PSD3: variants seen among roughly 807,000 people sequenced by gnomAD.
The protein encoded by PSD3 is pleckstrin and Sec7 domain containing 3, also known as PH and SEC7 domain-containing protein 3.
In PSD3, 49 loss-of-function variants were observed where a neutral mutation model predicts 105.5. That is an observed-to-expected ratio of 0.46 (90% confidence interval 0.37 to 0.59). The LOEUF (loss-of-function observed/expected upper bound fraction) is 0.59, where lower values mean the gene tolerates loss of function less well. Among genes scored for constraint, PSD3 ranks in the 20% least tolerant of loss-of-function variants. PSD3 has a pLI of 0.00. For missense variants in PSD3, 1,561 were observed against 1,263.8 expected (o/e 1.24, Z -3.57); for synonymous variants, 557 against 457.8 (o/e 1.22, Z -2.77).
At chr8:18,573,222 C>A (rs957034632) in intron 13 of PSD3, among the ~76,000 whole-genome samples, 1 of 152,176 alleles carries the variant, frequency 6.6e-6, no homozygotes, top group Non-Finnish European at 1.5e-5. Context: ...GTAATCCCAG[C>A]ACTTTGGGAA....
At chr8:18,628,983 T>TA (rs1806696864) in intron 11 of PSD3, among the ~76,000 whole-genome samples, 1 of 152,000 alleles carries the variant, frequency 6.6e-6, no homozygotes, top group South Asian at 2.1e-4. Context: ...ATAGGCACTC[T>TA]AATTAAAAGA....
rs148445253 is a variant in PSD3, at chr8:18,842,962, A to G, written c.1634+24712T>C. Among the ~76,000 whole-genome samples, 318 of 152,304 alleles carry G rather than the reference A, an allele frequency of 2.1e-3. 2 individuals carry two copies. Among genetic ancestry groups the G allele is most frequent in the African/African-American group, 7.1e-3 (297 of 41,562 alleles). On this transcript the variant is annotated intron_variant, in intron 4 of 15. Transcript: ENST00000327040. ...CTTGAGCAAAAACCCATACATTTTC[A>G]TATCATTCTTTTATAAAGATAAATT...
At chr8:18,690,553 C>G (rs1455416435) in intron 9 of PSD3, among the ~76,000 whole-genome samples, 1 of 152,162 alleles carries the variant, frequency 6.6e-6, no homozygotes, top group Non-Finnish European at 1.5e-5. Context: ...CACCCCAGGA[C>G]AGGATTCTTA....
intron 11 of PSD3, among the ~76,000 whole-genome samples, chr8:18,622,199 C>T (rs1195177273): frequency 6.6e-6 from 1 of 152,166 alleles, no homozygotes; most frequent in African/African-American, 2.4e-5. Flanking sequence ...CAGGACTGTA[C>T]AATGACTAAA....
At chr8:19,032,433 A>C (rs1827801845) in intron 1 of PSD3, among the ~76,000 whole-genome samples, 1 of 152,136 alleles carries the variant, frequency 6.6e-6, no homozygotes, top group East Asian at 1.9e-4. Flanking sequence ...GCTTGTGCTC[A>C]GTAGTTCAAG....
At chr8:18,940,290 T>C (rs866453027) in intron 1 of PSD3, 2 of 152,318 alleles carry the variant, frequency 1.3e-5, no homozygotes, top group Middle Eastern at 3.4e-3. Context: ...TCACCTGGAA[T>C]CTTCTTAAAA....
intron 1 of PSD3, among the ~76,000 whole-genome samples, chr8:19,054,633 G>C (rs571029743): frequency 6.6e-6 from 1 of 152,154 alleles, no homozygotes; most frequent in African/African-American, 2.4e-5. Context: ...ATATCTGCCA[G>C]ATTTATTCCA....
intron 11 of PSD3, among the ~76,000 whole-genome samples, chr8:18,610,200 A>T (rs1264182387): frequency 6.6e-6 from 1 of 152,218 alleles, no homozygotes; most frequent in Non-Finnish European, 1.5e-5. Flanking sequence ...AAGCAAACTA[A>T]ATATGGCCTT....
At chr8:18,767,997 G>A (rs553575170) in intron 8 of PSD3, among the ~76,000 whole-genome samples, 4 of 151,324 alleles carry the variant, frequency 2.6e-5, no homozygotes, top group South Asian at 4.2e-4. Context: ...GAGGCCGGGC[G>A]CGGTGGCTCA....
At chr8:18,677,406 C>T (rs1800118152) in intron 9 of PSD3, among the ~76,000 whole-genome samples, 1 of 152,022 alleles carries the variant, frequency 6.6e-6, no homozygotes, top group African/African-American at 2.4e-5. Flanking sequence ...GGCAAAAACC[C>T]ATCTCTATTA....
rs983267210 is a variant in PSD3, at chr8:18,906,988, T to G, written c.130+29046A>C. ...AGAAAATATAAAAACTAAAACATTA[T>G]TAAAAGCTTATAGAATAAGAAAATA... On this transcript the variant is annotated intron_variant, in intron 2 of 15. Transcript: ENST00000327040. 7.9e-5 allele frequency among the ~76,000 whole-genome samples: 12 copies of G among 152,260 alleles called. No homozygotes were observed. The South Asian group carries it at 1.4e-3, about 18-fold the overall frequency.
At chr8:18,680,435 G>A (rs1419828850) in intron 9 of PSD3, among the ~76,000 whole-genome samples, 1 of 152,152 alleles carries the variant, frequency 6.6e-6, no homozygotes, top group Admixed American at 6.5e-5. Flanking sequence ...ACAGCAGGAA[G>A]GTCTGCACTG....
chr8:18,659,397 T>C (rs1809153497), intron 9 of PSD3, among the ~76,000 whole-genome samples: 1 of 152,228 alleles, frequency 6.6e-6, no homozygotes, highest in African/African-American at 2.4e-5. Flanking sequence ...ATTTCAGAAC[T>C]GAACTCAGAG....
intron 4 of PSD3, among the ~76,000 whole-genome samples, chr8:18,848,108 A>C (rs1164926611): frequency 6.7e-6 from 1 of 150,084 alleles, no homozygotes; most frequent in African/African-American, 2.5e-5. Flanking sequence ...TACTGATCAC[A>C]AGATACACAA....
intron 8 of PSD3, among the ~76,000 whole-genome samples, chr8:18,791,533 A>C (rs1809719697): frequency 1.3e-5 from 2 of 152,202 alleles, no homozygotes; most frequent in Admixed American, 6.5e-5. Flanking sequence ...CATACGCAGA[A>C]AACTGAAACT....
At chr8:18,583,071 C>A (rs1402230545) in intron 12 of PSD3, among the ~76,000 whole-genome samples, 1 of 152,094 alleles carries the variant, frequency 6.6e-6, no homozygotes, top group Admixed American at 6.5e-5. Flanking sequence ...CATGATCCAC[C>A]CGCCTCAGCC....
chr8:18,574,471 T>A (rs1019916657), intron 13 of PSD3, among the ~76,000 whole-genome samples: 5 of 152,146 alleles, frequency 3.3e-5, no homozygotes, highest in African/African-American at 1.2e-4. Flanking sequence ...AACCATCCCA[T>A]TCCTACACTC....
chr8:18,776,690 ATGTC>A (rs1420303848), intron 8 of PSD3, among the ~76,000 whole-genome samples: 4 of 152,118 alleles, frequency 2.6e-5, no homozygotes, highest in African/African-American at 9.7e-5. Flanking sequence ...TCTTCTTTAA[ATGTC>A]TGACAGAACT....
At chr8:18,663,059 T>C (rs1809473258) in intron 9 of PSD3, among the ~76,000 whole-genome samples, 1 of 152,116 alleles carries the variant, frequency 6.6e-6, no homozygotes, top group Non-Finnish European at 1.5e-5. Context: ...AAAAATAAGG[T>C]AGCCAAAGAC....
Sources: allele counts gnomAD v4.1 joint callset (sites outside exome capture counted in the v4.1 genomes callset), GRCh38; gene constraint gnomAD v4.1.1; transcripts MANE v1.5; gene names NCBI Gene and HGNC (gene_info 2026-07-23, HGNC 2026-07-21).